MMP24: variants seen among roughly 807,000 people sequenced by gnomAD.
MMP24 encodes the protein matrix metallopeptidase 24, also known as matrix metalloproteinase-24.
MMP24 carries 25 observed loss-of-function variants against 62.8 expected under a neutral mutation model. The ratio of observed to expected loss-of-function variants is 0.40; its 90% CI spans 0.29 to 0.56. The LOEUF is 0.56. Among genes scored for constraint, MMP24 ranks in the 20% least tolerant of loss-of-function variants. The pLI, the probability that MMP24 is intolerant of heterozygous loss-of-function variation, is 0.50. For synonymous variants in MMP24, 319 were observed against 350.5 expected (o/e 0.91, Z 1.00); for missense variants, 634 against 853.6 (o/e 0.74, Z 3.21).
rs143835276 is a variant in MMP24, at chr20:35,249,101, G to T, written c.395+2113G>T. ...GGTCTGGAAGCAGGGGAAGGAGGAA[G>T]CCAGTTGCACTTATTAATCCAAGAC... On this transcript the variant is annotated intron_variant, in intron 2 of 8. Transcript: ENST00000246186. Among the ~76,000 whole-genome samples, 47 of 152,308 alleles carry T rather than the reference G, an allele frequency of 3.1e-4. No individual in the cohort carries two copies. The East Asian group carries it at 8.7e-3, about 28-fold the overall frequency.
At chr20:35,230,097 C>A in intron 1 of MMP24, among the ~76,000 whole-genome samples, 1 of 152,262 alleles carries the variant, frequency 6.6e-6, no homozygotes, top group African/African-American at 2.4e-5. Context: ...TCAAGCGATT[C>A]TCCTGCCTCA....
chr20:35,266,175 TAAAAAAAAAA>T (rs35806814), intron 5 of MMP24, among the ~76,000 whole-genome samples: 846 of 43,046 alleles, frequency 0.02, 7 homozygotes, highest in Non-Finnish European at 0.026. Flanking sequence ...CCATCTCTGC[TAAAAAAAAAA>T]AAAAAAAAAA....
chr20:35,273,017 C>T (rs924287522), intron 8 of MMP24, among the ~76,000 whole-genome samples: 1 of 152,134 alleles, frequency 6.6e-6, no homozygotes, highest in Non-Finnish European at 1.5e-5. Context: ...TTCATTCACT[C>T]ACTCCATAAT....
At chr20:35,227,545 AG>A (rs758835639) in intron 1 of MMP24, among the ~76,000 whole-genome samples, 1 of 151,926 alleles carries the variant, frequency 6.6e-6, no homozygotes, top group Non-Finnish European at 1.5e-5. Flanking sequence ...CGATATAGGA[AG>A]AAGTTTGTAA....
chr20:35,268,874 A>G (rs978243533), intron 6 of MMP24, among the ~76,000 whole-genome samples: 2 of 152,148 alleles, frequency 1.3e-5, no homozygotes, highest in Admixed American at 6.5e-5. Flanking sequence ...AAAAATATAA[A>G]AAATTAGCCG....
At chr20:35,262,030 G>A (rs1429212883) in intron 4 of MMP24, among the ~76,000 whole-genome samples, 1 of 152,018 alleles carries the variant, frequency 6.6e-6, no homozygotes, top group Non-Finnish European at 1.5e-5. Context: ...TCGAACTCCT[G>A]ACCTCAAGTG....
rs148367724 is a variant in MMP24, at chr20:35,271,310, G to A, written c.1334-259G>A. On this transcript the variant is annotated intron_variant, in intron 7 of 8. Coordinates refer to ENST00000246186, the MANE Select transcript of MMP24 (RefSeq NM_006690.4). The surrounding 1 kb of genome is among the most constrained non-coding windows in gnomAD (Gnocchi z 4.0). Reference sequence around the variant, plus strand: ...AGGTTTGGGGAGTGGTAGTGCATATGCAAAGTCATGTAAGTGGCTGAGATC... The same window carrying A: ...AGGTTTGGGGAGTGGTAGTGCATATACAAAGTCATGTAAGTGGCTGAGATC... Among the ~76,000 whole-genome samples the A allele has an allele frequency of 4.9e-3, 744 of 152,292 alleles. 3 individuals carry two copies. Among genetic ancestry groups the A allele is most frequent in the Non-Finnish European group, 7.8e-3 (530 of 68,018 alleles).
chr20:35,272,405 AT>A (rs1475950185), intron 8 of MMP24, among the ~76,000 whole-genome samples: 3 of 152,176 alleles, frequency 2.0e-5, no homozygotes, highest in African/African-American at 7.2e-5. Flanking sequence ...TGCCTGGCTA[AT>A]TTACATTTTT....
intron 7 of MMP24, among the ~76,000 whole-genome samples, chr20:35,270,335 T>C (rs981005168): frequency 3.3e-5 from 5 of 152,036 alleles, no homozygotes; most frequent in African/African-American, 7.2e-5. Context: ...GAGATACAGA[T>C]AGTGAGAAGC....
chr20:35,276,339 G>A lies in MMP24; in HGVS notation c.*1730G>A. On this transcript the variant is annotated 3_prime_UTR_variant, in exon 9 of 9. Transcript: ENST00000246186. ...ACTGCGGAGATATTAGTGATTCATA[G>A]GTTTGTACAGTGTTTTATACTTTGC... 1 of 399,046 alleles carries A rather than the reference G, an allele frequency of 2.5e-6. No homozygotes were observed. Among genetic ancestry groups the A allele is most frequent in the Non-Finnish European group, 4.4e-6 (1 of 226,070 alleles). The allele number at this position is 399,046 out of a possible 1,614,324, so 24.7% of individuals were successfully genotyped here.
intron 1 of MMP24, among the ~76,000 whole-genome samples, chr20:35,238,106 A>G (rs2060472451): frequency 6.6e-6 from 1 of 152,196 alleles, no homozygotes; most frequent in Non-Finnish European, 1.5e-5. Context: ...TTGACCAAGG[A>G]GATGGACAAG....
rs2060701519 is a variant in MMP24 at position 35,275,834 on chromosome 20, G to A, written c.*1225G>A. Reference sequence around the variant, plus strand: ...CCATCTTCCCACACTGCTCTTAGAAGGACACCCCTACCGGTAGCAGCCCCA... The same window carrying A: ...CCATCTTCCCACACTGCTCTTAGAAAGACACCCCTACCGGTAGCAGCCCCA... On this transcript the variant is annotated 3_prime_UTR_variant, in exon 9 of 9. Transcript: ENST00000246186. The A allele has an allele frequency of 2.5e-6, 1 of 395,556 alleles. No individual in the cohort carries two copies. The highest frequency in any genetic ancestry group is 4.5e-6 in the Non-Finnish European group (1 of 224,712). 24.5% of individuals were successfully genotyped at this position (395,556 alleles called of 1,614,324 possible). A position where few individuals can be genotyped will look rare whatever the true frequency, so the allele number is the denominator to read the frequency against.
chr20:35,237,915 T>G (rs1245851293), intron 1 of MMP24, among the ~76,000 whole-genome samples: 1 of 152,140 alleles, frequency 6.6e-6, no homozygotes, highest in African/African-American at 2.4e-5. Flanking sequence ...AGTCTCAGCT[T>G]AGAACTTGAA....
chr20:35,245,582 G>A (rs1462724247), intron 1 of MMP24, among the ~76,000 whole-genome samples: 1 of 151,860 alleles, frequency 6.6e-6, no homozygotes, highest in Non-Finnish European at 1.5e-5. Context: ...CTGAGTAGCT[G>A]GGATTACAGG....
chr20:35,265,539 C>G (rs6060332), intron 5 of MMP24, among the ~76,000 whole-genome samples: 11,754 of 151,952 alleles, frequency 0.077, 1,247 homozygotes, highest in African/African-American at 0.24. Flanking sequence ...AAATAAACTA[C>G]TATTAAATAA....
chr20:35,247,104 G>C lies in MMP24; in HGVS notation c.395+116G>C, dbSNP rs1378780081. The stretch of plus-strand genomic sequence containing the variant: ...TCCTCCCTTCCTATCTTTTATTCCT[G>C]CAGTGCCATCCTGGGAAAGAATATC... On this transcript the variant is annotated intron_variant, in intron 2 of 8. Coordinates refer to ENST00000246186, the MANE Select transcript of MMP24 (RefSeq NM_006690.4). 2.4e-6 allele frequency: 3 copies of C among 1,274,566 alleles called. No homozygotes were observed. In the East Asian group the frequency reaches 7.1e-5, roughly 30 times the overall value. The allele number at this position is 1,274,566 out of a possible 1,614,324, so 79.0% of individuals were successfully genotyped here.
rs1318735159 is a variant in MMP24, at chr20:35,267,150, C to G, written c.980-55C>G. 2.1e-6 allele frequency: 3 copies of G among 1,414,034 alleles called. No homozygotes were observed. The African/African-American group carries it at 4.3e-5, about 20-fold the overall frequency. 87.6% of individuals were successfully genotyped at this position (1,414,034 alleles called of 1,614,324 possible). On this transcript the variant is annotated intron_variant, in intron 5 of 8. Coordinates refer to ENST00000246186, the MANE Select transcript of MMP24 (RefSeq NM_006690.4). ...GCTGCCTGGGTGATGCTGAGACTGG[C>G]AATGGGAGGCGGGAAACGGCTGCCC...
At position 35,265,392 on chromosome 20, in the gene MMP24, A is replaced by C. The variant is rs898693944; in HGVS notation, c.979+1440A>C. ...GGGAGGCGGAGGTTGCAGTGAGCTG[A>C]GATCACACCACTGCACTCCAGCCTA... On this transcript the variant is annotated intron_variant, in intron 5 of 8. Transcript: ENST00000246186. 5.9e-5 allele frequency among the ~76,000 whole-genome samples: 9 copies of C among 151,970 alleles called. No individual in the cohort carries two copies. In the East Asian group the frequency reaches 1.7e-3, roughly 29 times the overall value.
chr20:35,252,321 G>A (rs1009961831), intron 3 of MMP24, among the ~76,000 whole-genome samples: 7 of 152,282 alleles, frequency 4.6e-5, no homozygotes, highest in Admixed American at 6.5e-5. Context: ...GGGTATGAAT[G>A]GTTTGGTAAC....
Sources: gnomAD v4.1 joint callset for allele counts (sites outside exome capture counted in the v4.1 genomes callset) on GRCh38, gnomAD v4.1.1 for gene constraint, Gnocchi (gnomAD v3.1) non-coding constraint, MANE v1.5 for transcripts, NCBI Gene and HGNC (gene_info 2026-07-23, HGNC 2026-07-21) for gene names.